The following MARCHF7 variants were observed in gnomAD, a reference collection of about 807,000 sequenced individuals.
The protein encoded by MARCHF7 is E3 ubiquitin-protein ligase MARCHF7.
A neutral mutation model predicts 76.5 loss-of-function variants in MARCHF7; 20 were observed. That is an observed-to-expected ratio of 0.26 (90% CI 0.18 to 0.38). MARCHF7 has a LOEUF of 0.38. Among genes scored for constraint, MARCHF7 ranks in the 10% least tolerant of loss-of-function variants. MARCHF7 has a pLI of 1.00. For missense variants in MARCHF7, 797 were observed against 812.9 expected, an observed-to-expected ratio of 0.98 and a Z score of 0.24; for synonymous variants, 295 against 293.0, an observed-to-expected ratio of 1.01 and a Z score of -0.07.
At chr2:159,723,170 A>G (rs1701815782) in intron 3 of MARCHF7, among the ~76,000 whole-genome samples, 1 of 152,182 alleles carries the variant, frequency 6.6e-6, no homozygotes, top group South Asian at 2.1e-4. Flanking sequence ...TTAACCATTA[A>G]TATTCTTTTC....
Position 159,735,387 on chromosome 2 carries a change from C to A in MARCHF7, c.153+6212C>A, listed in dbSNP as rs926234314. ...AAATGACTTTATTAAGTTGTAATTTCACATACCATATAGTTTGCCCATTTA... is the reference window on the plus strand; with the variant it reads ...AAATGACTTTATTAAGTTGTAATTTAACATACCATATAGTTTGCCCATTTA... On this transcript the variant is annotated intron_variant, in intron 4 of 11. Transcript: ENST00000409175. Among the ~76,000 whole-genome samples the A allele has an allele frequency of 3.3e-5, 5 of 152,294 alleles. No individual in the cohort carries two copies. In the East Asian group the frequency reaches 9.7e-4, roughly 29 times the overall value.
intron 8 of MARCHF7, among the ~76,000 whole-genome samples, chr2:159,757,587 G>A (rs997492163): frequency 1.3e-5 from 2 of 152,188 alleles, no homozygotes; most frequent in Non-Finnish European, 1.5e-5. Flanking sequence ...AGGCTGCAGC[G>A]AGCCGTGATC....
intron 4 of MARCHF7, chr2:159,732,699 A>C: frequency 1.1e-5 from 3 of 261,610 alleles, no homozygotes; most frequent in Non-Finnish European, 1.8e-5. Context: ...CTAATTTTTT[A>C]AAAAATTTTT....
intron 3 of MARCHF7, among the ~76,000 whole-genome samples, chr2:159,721,293 G>T (rs1318478397): frequency 6.6e-6 from 1 of 152,106 alleles, no homozygotes; most frequent in East Asian, 1.9e-4. Context: ...GATGCCCAGA[G>T]GAATGGAGTC....
In MARCHF7 at chr2:159,729,019, A is replaced by C. The variant is rs757273105; in HGVS notation, c.-4A>C. On this transcript the variant is annotated 5_prime_UTR_variant, in exon 4 of 12. Transcript: ENST00000409175. The stretch of plus-strand genomic sequence containing the variant: ...ATTTTTATTTCACAGAAAAATCTTT[A>C]AGAATGGAGTCTAAACCTTCAAGGA... 4.5e-6 allele frequency: 7 copies of C among 1,547,956 alleles called. No homozygotes were observed. Among genetic ancestry groups the C allele is most frequent in the Admixed American group, 4.5e-5 (2 of 44,354 alleles).
chr2:159,746,024 T>C lies in MARCHF7; in HGVS notation c.514+87T>C, dbSNP rs935009205. Reference sequence around the variant, plus strand: ...TTACTAAAACAACAGTACAAAGGAGTAAAGTGTATATTTTGTCTTATGAAG... The same window carrying C: ...TTACTAAAACAACAGTACAAAGGAGCAAAGTGTATATTTTGTCTTATGAAG... On this transcript the variant is annotated intron_variant, in intron 6 of 11. Coordinates refer to ENST00000409175, the MANE Select transcript of MARCHF7 (RefSeq NM_001282805.2). 5 of 1,021,786 alleles carry C rather than the reference T, an allele frequency of 4.9e-6. No individual in the cohort carries two copies. In the Admixed American group the frequency reaches 1.1e-4, roughly 23 times the overall value. The allele number at this position is 1,021,786 out of a possible 1,614,324, so 63.3% of individuals were successfully genotyped here.
intron 8 of MARCHF7, among the ~76,000 whole-genome samples, chr2:159,755,211 G>C (rs1364329113): frequency 6.6e-6 from 1 of 152,170 alleles, no homozygotes; most frequent in African/African-American, 2.4e-5. Flanking sequence ...GCTAAAATAA[G>C]AATTGGTACA....
chr2:159,731,528 G>T (rs889799377), intron 4 of MARCHF7, among the ~76,000 whole-genome samples: 5 of 151,998 alleles, frequency 3.3e-5, no homozygotes, highest in Non-Finnish European at 7.4e-5. Context: ...GCCGAGGCAG[G>T]TGGATCACCT....
chr2:159,749,060 C>A lies in MARCHF7; in HGVS notation c.1613+157C>A. Among the ~76,000 whole-genome samples the A allele has an allele frequency of 1.3e-5, 2 of 149,560 alleles. 1 individual carries two copies. The highest frequency in any genetic ancestry group is 4.2e-4 in the South Asian group (2 of 4,778). On this transcript the variant is annotated intron_variant, in intron 7 of 11. Transcript: ENST00000409175. The stretch of plus-strand genomic sequence containing the variant: ...ATGGCACCATCTCGGCTCACTGCAG[C>A]CTCGGCCTTCCAGGTTCAAGCAGTT...
rs532506919 is a variant in MARCHF7 at position 159,732,814 on chromosome 2, C to T, written c.153+3639C>T. ...CCCAAAGTGATGGGATTACAGACAT[C>T]TGCCATCATGCCTGGCCTGTATTTT... On this transcript the variant is annotated intron_variant, in intron 4 of 11. Coordinates refer to ENST00000409175, the MANE Select transcript of MARCHF7 (RefSeq NM_001282805.2). The T allele has an allele frequency of 1.4e-4, 134 of 980,068 alleles. 2 individuals are homozygous for T. In the South Asian group the frequency reaches 5.3e-3, roughly 39 times the overall value. 60.7% of individuals were successfully genotyped at this position (980,068 alleles called of 1,614,324 possible). A position where few individuals can be genotyped will look rare whatever the true frequency, so the allele number is the denominator to read the frequency against.
intron 9 of MARCHF7, among the ~76,000 whole-genome samples, chr2:159,760,269 C>G (rs986709355): frequency 3.9e-5 from 6 of 152,154 alleles, no homozygotes; most frequent in Admixed American, 3.3e-4. Context: ...CTTTGAAAAT[C>G]TGATTAAAAC....
At chr2:159,761,027 A>ATT (rs34380779) in intron 9 of MARCHF7, among the ~76,000 whole-genome samples, 1,536 of 139,866 alleles carry the variant, frequency 0.011, 29 homozygotes, top group African/African-American at 0.035. Context: ...TAACCATTTA[A>ATT]TTTTTTTTTT....
rs1705203127 is a variant in MARCHF7, at chr2:159,748,709, A to G, written c.1419A>G (p.Thr473=). 6.2e-7 allele frequency: 1 copy of G among 1,614,196 alleles called. No individual in the cohort carries two copies. Among genetic ancestry groups the G allele is most frequent in the Non-Finnish European group, 8.5e-7 (1 of 1,180,022 alleles). The change falls in exon 7 of 12, where the codon ACA becomes ACG. Residue 473 remains threonine, a synonymous_variant. Transcript: ENST00000409175. ...ATTCGGCTCAAGGTGGAAGAAATAC[A>G]GGAATATCAGGGATTCTTCCTGGTT... The part of the protein sequence containing the change: ...TSDSAQGGRN[T]GISGILPGSL...
In MARCHF7 at chr2:159,757,177, C is replaced by T. The variant is rs1285603816; in HGVS notation, c.1784-2049C>T. ...CCTCCCAAAGTGCTGGGATTACAGG[C>T]GTGAGCCACCATACCTGGCCTGGAG... On this transcript the variant is annotated intron_variant, in intron 8 of 11. Coordinates refer to ENST00000409175, the MANE Select transcript of MARCHF7 (RefSeq NM_001282805.2). 4.6e-5 allele frequency among the ~76,000 whole-genome samples: 7 copies of T among 152,246 alleles called. No homozygotes were observed. In the East Asian group the frequency reaches 7.7e-4, roughly 17 times the overall value.
At chr2:159,744,627 C>A (rs904031358) in intron 5 of MARCHF7, among the ~76,000 whole-genome samples, 4 of 152,178 alleles carry the variant, frequency 2.6e-5, no homozygotes, top group African/African-American at 9.7e-5. Flanking sequence ...CAGTTCCTGT[C>A]TATTTTGATA....
chr2:159,743,381 C>CA, intron 5 of MARCHF7, 128 bp downstream of exon 5: 3 of 770,226 alleles, frequency 3.9e-6, no homozygotes, highest in Non-Finnish European at 6.1e-6. Context: ...GTGGAATTTC[C>CA]AAAATCTTAC....
At chr2:159,733,713 C>A in intron 4 of MARCHF7, 1 of 985,338 alleles carries the variant, frequency 1.0e-6, no homozygotes, top group Non-Finnish European at 1.2e-6. Flanking sequence ...AATATGGGAA[C>A]ACCTTATATA....
intron 4 of MARCHF7, chr2:159,733,592 C>T: frequency 1.0e-6 from 1 of 982,918 alleles, no homozygotes; most frequent in Non-Finnish European, 1.2e-6. Flanking sequence ...TAACTCACAA[C>T]TCTTGGAGAC....
intron 4 of MARCHF7, among the ~76,000 whole-genome samples, chr2:159,732,236 T>G (rs1045217782): frequency 7.9e-5 from 12 of 152,180 alleles, no homozygotes; most frequent in Admixed American, 3.3e-4. Context: ...TTTCATGTAT[T>G]TAAGTACCCA....
Sources: gnomAD v4.1 joint callset for allele counts (sites outside exome capture counted in the v4.1 genomes callset) on GRCh38, gnomAD v4.1.1 for gene constraint, MANE v1.5 for transcripts, NCBI Gene and HGNC (gene_info 2026-07-23, HGNC 2026-07-21) for gene names.